The following UNC79 variants were observed in gnomAD, a reference collection of about 807,000 sequenced individuals.
UNC79 encodes the protein protein unc-79 homolog.
In UNC79, 37 loss-of-function variants were observed where a neutral mutation model predicts 283.1. The observed-to-expected ratio is 0.13, with a 90% CI of 0.10 to 0.17. The LOEUF is 0.17. Among genes scored for constraint, UNC79 ranks in the 10% least tolerant of loss-of-function variants. UNC79 has a pLI of 1.00. For missense variants in UNC79, 2,272 were observed against 3,211.1 expected (o/e 0.71, Z 7.07); for synonymous variants, 1,107 against 1,200.2 (o/e 0.92, Z 1.61).
chr14:93,575,311 C>T (rs1399896716), intron 17 of UNC79, 113 bp downstream of exon 17: 1 of 1,317,080 alleles, frequency 7.6e-7, no homozygotes, highest in Admixed American at 2.3e-5. Context: ...GTTTTCAGCC[C>T]ATCTCGCTGT....
chr14:93,348,151 T>G (rs2053906721), intron 1 of UNC79: 1 of 1,348,248 alleles, frequency 7.4e-7, no homozygotes, highest in African/African-American at 1.4e-5. Flanking sequence ...GCTGTTAACG[T>G]CCAAAAAACT....
At chr14:93,680,601 A>G (rs1466104146) in intron 41 of UNC79, among the ~76,000 whole-genome samples, 2 of 152,052 alleles carry the variant, frequency 1.3e-5, no homozygotes, top group Non-Finnish European at 2.9e-5. Context: ...TTATTTATTT[A>G]TTTATTTGAA....
chr14:93,366,192 C>T (rs1018273421), intron 1 of UNC79, among the ~76,000 whole-genome samples: 9 of 152,292 alleles, frequency 5.9e-5, no homozygotes, highest in East Asian at 5.8e-4. Flanking sequence ...AGGTTTCCCA[C>T]GTGAGGTATT....
chr14:93,608,026 A>G (rs188251469), intron 26 of UNC79, among the ~76,000 whole-genome samples: 2 of 152,338 alleles, frequency 1.3e-5, no homozygotes, highest in Admixed American at 6.5e-5. Flanking sequence ...TTCAACAAAT[A>G]TTACAAATAC....
At chr14:93,359,942 C>T (rs2054185621) in intron 1 of UNC79, among the ~76,000 whole-genome samples, 1 of 152,158 alleles carries the variant, frequency 6.6e-6, no homozygotes, top group Admixed American at 6.6e-5. Flanking sequence ...GGGAAATGAT[C>T]AGACATTTTG....
chr14:93,591,728 C>T (rs919601955), intron 22 of UNC79, among the ~76,000 whole-genome samples: 2 of 152,216 alleles, frequency 1.3e-5, no homozygotes, highest in Non-Finnish European at 2.9e-5. Flanking sequence ...GCACTTCCAG[C>T]GTCACTAGTG....
rs760333396 is a variant in UNC79, at chr14:93,542,707, G to T, written c.1755+11G>T. ...ATGGAATTTGCCAGGGTAAGTGGAGGCCTACAGCTCACACCTTGTTAGAGA... is the reference window on the plus strand; with the variant it reads ...ATGGAATTTGCCAGGGTAAGTGGAGTCCTACAGCTCACACCTTGTTAGAGA... On this transcript the variant is annotated intron_variant, in intron 14 of 48. Transcript: ENST00000555664. The T allele has an allele frequency of 6.2e-7, 1 of 1,613,924 alleles. No individual in the cohort carries two copies. Among genetic ancestry groups the T allele is most frequent in the African/African-American group, 1.3e-5 (1 of 74,936 alleles).
intron 39 of UNC79, among the ~76,000 whole-genome samples, chr14:93,660,559 ATATATGTGTGTGTG>A (rs1303008906): frequency 3.2e-4 from 28 of 86,802 alleles, no homozygotes; most frequent in African/African-American, 1.4e-3. Context: ...ATATATATAT[ATATATGTGTGTGTG>A]TGTGTGTTCA....
intron 40 of UNC79, among the ~76,000 whole-genome samples, chr14:93,665,459 A>G (rs184615371): frequency 6.6e-6 from 1 of 152,024 alleles, no homozygotes; most frequent in African/African-American, 2.4e-5. Context: ...AATATTTCAG[A>G]TAAGGAAAAT....
intron 11 of UNC79, among the ~76,000 whole-genome samples, chr14:93,535,704 GTCTC>G: frequency 6.6e-6 from 1 of 152,308 alleles, no homozygotes; most frequent in South Asian, 2.1e-4. Context: ...CTGAAACATG[GTCTC>G]TCCCTGTGGC....
intron 12 of UNC79, among the ~76,000 whole-genome samples, chr14:93,539,730 T>C (rs1187503134): frequency 6.6e-6 from 1 of 152,168 alleles, no homozygotes; most frequent in Non-Finnish European, 1.5e-5. Context: ...TCATCAGTGT[T>C]GCTTATGTTC....
chr14:93,516,730 G>GA (rs2060082648), intron 7 of UNC79, among the ~76,000 whole-genome samples: 1 of 152,102 alleles, frequency 6.6e-6, no homozygotes, highest in Non-Finnish European at 1.5e-5. Context: ...TTACAGGTGT[G>GA]AGCCATTGCA....
At chr14:93,402,823 C>T (rs1332306619) in intron 1 of UNC79, among the ~76,000 whole-genome samples, 1 of 152,170 alleles carries the variant, frequency 6.6e-6, no homozygotes, top group East Asian at 1.9e-4. Context: ...TATTTCTTCT[C>T]TGCTGTCTCT....
Position 93,618,201 on chromosome 14 carries a change from C to T in UNC79, c.4234C>T (p.Arg1412Ter). The change falls in exon 29 of 49, where the codon CGA becomes TGA. Residue 1412 changes from arginine (R) to a stop codon, truncating the protein, a stop_gained. Transcript: ENST00000555664. LOFTEE classifies it high-confidence loss of function. ...TCGTTTCATTGGGCAGTATCCATAC[C>T]GAGACTGTGATATCAGCAAGATCCT... 1 of 1,612,458 alleles carries T rather than the reference C, an allele frequency of 6.2e-7. No homozygotes were observed. Among genetic ancestry groups the T allele is most frequent in the Non-Finnish European group, 8.5e-7 (1 of 1,179,388 alleles).
At chr14:93,482,818 C>A (rs2058209199) in intron 4 of UNC79, among the ~76,000 whole-genome samples, 1 of 152,156 alleles carries the variant, frequency 6.6e-6, no homozygotes, top group African/African-American at 2.4e-5. Context: ...ATCAAAAAGC[C>A]AGAGCTATCC....
intron 40 of UNC79, among the ~76,000 whole-genome samples, chr14:93,667,636 A>G (rs968421925): frequency 1.3e-5 from 2 of 152,302 alleles, no homozygotes; most frequent in East Asian, 1.9e-4. Flanking sequence ...TCTCTTCTTT[A>G]TACAAACTAA....
chr14:93,572,879 C>T, intron 16 of UNC79, 63 bp downstream of exon 16: 1 of 1,577,510 alleles, frequency 6.3e-7, no homozygotes. Flanking sequence ...CTTTAGATCC[C>T]TGGATCGAGA....
At chr14:93,702,593 A>G (rs775290019) in intron 47 of UNC79, among the ~76,000 whole-genome samples, 3 of 152,354 alleles carry the variant, frequency 2.0e-5, no homozygotes, top group South Asian at 2.1e-4. Flanking sequence ...GATGAATTCA[A>G]TGAAACCAGC....
intron 1 of UNC79, among the ~76,000 whole-genome samples, chr14:93,455,522 T>G (rs1485645851): frequency 1.3e-5 from 2 of 151,968 alleles, no homozygotes; most frequent in Non-Finnish European, 2.9e-5. Flanking sequence ...GGGCTATTCT[T>G]GATTATATTG....
Sources: gnomAD v4.1 joint callset for allele counts (sites outside exome capture counted in the v4.1 genomes callset) on GRCh38, gnomAD v4.1.1 for gene constraint, MANE v1.5 for transcripts, NCBI Gene and HGNC (gene_info 2026-07-23, HGNC 2026-07-21) for gene names.